The following RHNO1 variants were observed in gnomAD, a reference collection of about 807,000 sequenced individuals.
RHNO1 encodes RAD9-HUS1-RAD1 interacting nuclear orphan 1.
Under a neutral mutation model 7.2 loss-of-function variants are expected in RHNO1, and 9 were observed. That is an observed-to-expected ratio of 1.25 (90% CI 0.75 to 2.18). RHNO1 has a LOEUF of 2.18. Among genes scored for constraint, RHNO1 ranks in the 30% most tolerant of loss-of-function variants. The pLI is 0.00. For synonymous variants in RHNO1, 95 were observed against 107.5 expected, an observed-to-expected ratio of 0.88 and a Z score of 0.72; for missense variants, 292 against 284.5, an observed-to-expected ratio of 1.03 and a Z score of -0.19.
Position 2,888,053 on chromosome 12 carries a change from C to T in RHNO1, c.311C>T (p.Ser104Leu), listed in dbSNP as rs2098167727. ...LTFESPQSSS[S>L]ETLGIPLIRE... ...TTTGAGAGTCCGCAATCTTCCAGTT[C>T]AGAGACATTGGGGATCCCCTTAATC... The change falls in exon 3 of 3, where the codon TCA (serine) becomes TTA (leucine). Residue 104 changes from serine (S) to leucine (L), a missense_variant. By Grantham distance (145) the Ser-to-Leu change is moderately radical. Transcript: ENST00000489288. The T allele has an allele frequency of 6.2e-7, 1 of 1,614,028 alleles. No homozygotes were observed.
chr12:2,887,497 A>G (rs2098167001), intron 2 of RHNO1, among the ~76,000 whole-genome samples: 2 of 151,760 alleles, frequency 1.3e-5, no homozygotes, highest in South Asian at 2.1e-4. Context: ...AAAAAAAAAA[A>G]AAATACCTGG....
At chr12:2,877,855 C>T (rs2098149925) in intron 1 of RHNO1, 1 of 152,434 alleles carries the variant, frequency 6.6e-6, no homozygotes, top group Admixed American at 6.5e-5. Flanking sequence ...ACAGCCCAAT[C>T]CTGGAAGAGG....
intron 1 of RHNO1, chr12:2,877,813 G>A (rs1209252063): frequency 6.6e-6 from 1 of 152,302 alleles, no homozygotes; most frequent in Admixed American, 6.6e-5. Context: ...AAGATACAAT[G>A]GCAGACAAGG....
intron 1 of RHNO1, among the ~76,000 whole-genome samples, chr12:2,883,507 ATATATTTTTTTT>A (rs1229217144): frequency 2.5e-3 from 66 of 26,202 alleles, no homozygotes; most frequent in Middle Eastern, 0.024. Context: ...ATATATATAT[ATATATTTTTTTT>A]TTTTTTTTTT....
At position 2,888,039 on chromosome 12, in the gene RHNO1, G is replaced by T. The variant is rs376403114; in HGVS notation, c.297G>T (p.Pro99=). The T allele has an allele frequency of 6.2e-7, 1 of 1,614,074 alleles. No individual in the cohort carries two copies. Among genetic ancestry groups the T allele is most frequent in the Non-Finnish European group, 8.5e-7 (1 of 1,180,028 alleles). ...TTCCACATCTAACTTTTGAGAGTCC[G>T]CAATCTTCCAGTTCAGAGACATTGG... The part of the protein sequence containing the change: ...SKFPHLTFES[P]QSSSSETLGI... Residue 99 remains proline (P), a synonymous_variant, in exon 3 of 3, where the codon CCG becomes CCT. Transcript: ENST00000489288.
At position 2,879,947 on chromosome 12, in the gene RHNO1, C is replaced by T. The variant is rs1007465835; in HGVS notation, c.-85+2665C>T. 2.6e-5 allele frequency among the ~76,000 whole-genome samples: 4 copies of T among 152,054 alleles called. No individual in the cohort carries two copies. The East Asian group carries it at 7.7e-4, about 29-fold the overall frequency. Reference sequence around the variant, plus strand: ...TGCTTTCTGGAAAATGAGAGTATTTCCTTTGATGTCTTCTGTATTCTTTGT... The same window carrying T: ...TGCTTTCTGGAAAATGAGAGTATTTTCTTTGATGTCTTCTGTATTCTTTGT... On this transcript the variant is annotated intron_variant, in intron 1 of 2. Transcript: ENST00000489288.
Position 2,885,469 on chromosome 12 carries a change from C to G in RHNO1, c.103C>G (p.Leu35Val), listed in dbSNP as rs144376511. The change falls in exon 2 of 3, where the codon CTT (leucine) becomes GTT (valine). Residue 35 changes from leucine to valine, a missense_variant. Physicochemically the swap from Leu to Val is conservative, Grantham distance 32. Transcript: ENST00000489288. ...GPKHSCASTQ[L>V]PITHTRQVPS... ...CAAACACAGCTGTGCATCTACACAGCTTCCCATCACTCACACTCGACAGGT... is the reference window on the plus strand; with the variant it reads ...CAAACACAGCTGTGCATCTACACAGGTTCCCATCACTCACACTCGACAGGT... 6.8e-6 allele frequency: 11 copies of G among 1,613,708 alleles called. No individual in the cohort carries two copies. In the African/African-American group the frequency reaches 1.3e-4, roughly 20 times the overall value.
Position 2,877,253 on chromosome 12 carries a change from A to T in RHNO1, c.-114A>T, listed in dbSNP as rs1022431955. 2 of 152,258 alleles carry T rather than the reference A, an allele frequency of 1.3e-5. No individual in the cohort carries two copies. Among genetic ancestry groups the T allele is most frequent in the African/African-American group, 4.8e-5 (2 of 41,452 alleles). The allele number at this position is 152,258 out of a possible 1,614,324, so 9.4% of individuals were successfully genotyped here. A position where few individuals can be genotyped will look rare whatever the true frequency, so the allele number is the denominator to read the frequency against. On this transcript the variant is annotated 5_prime_UTR_variant, in exon 1 of 3. Transcript: ENST00000489288. ...GGGCTCGAAGGCTGTGCGGTCTGCCAGGAGCTGCGGCCCCGTCCGGCCCGG... is the reference window on the plus strand; with the variant it reads ...GGGCTCGAAGGCTGTGCGGTCTGCCTGGAGCTGCGGCCCCGTCCGGCCCGG...
intron 1 of RHNO1, among the ~76,000 whole-genome samples, chr12:2,883,505 A>ATTT (rs2098161364): frequency 3.1e-5 from 1 of 31,920 alleles, no homozygotes; most frequent in African/African-American, 1.7e-4. Context: ...ATATATATAT[A>ATTT]TATATATTTT....
chr12:2,880,296 C>T (rs2098155765), intron 1 of RHNO1, among the ~76,000 whole-genome samples: 1 of 151,874 alleles, frequency 6.6e-6, no homozygotes, highest in Admixed American at 6.6e-5. Flanking sequence ...AGGACCCCAT[C>T]TCTAAAAATA....
upstream of RHNO1, chr12:2,876,520 G>A (rs2153942648): frequency 6.6e-6 from 1 of 152,576 alleles, no homozygotes; most frequent in Non-Finnish European, 1.5e-5. Context: ...AAAAGGGTAA[G>A]TAAGATGGAG....
intron 1 of RHNO1, among the ~76,000 whole-genome samples, chr12:2,879,905 G>A (rs934041836): frequency 6.6e-6 from 1 of 151,940 alleles, no homozygotes; most frequent in African/African-American, 2.4e-5. Flanking sequence ...ATGTTGATAC[G>A]CATAGGTTTG....
chr12:2,876,895 G>T (rs71579232), upstream of RHNO1: 893 of 152,704 alleles, frequency 5.8e-3, 5 homozygotes, highest in Non-Finnish European at 8.7e-3. Flanking sequence ...CCAGGCCTGG[G>T]ACTCCATTGC....
chr12:2,877,556 C>T (rs976013456), intron 1 of RHNO1, among the ~76,000 whole-genome samples: 1 of 152,184 alleles, frequency 6.6e-6, no homozygotes, highest in Non-Finnish European at 1.5e-5. Flanking sequence ...ACCCCATTTT[C>T]CCACAGTGAA....
At position 2,888,192 on chromosome 12, in the gene RHNO1, T is replaced by C; in HGVS notation, c.450T>C (p.Tyr150=). Residue 150 remains tyrosine, a synonymous_variant, in exon 3 of 3, where the codon TAT becomes TAC. Coordinates refer to ENST00000489288, the MANE Select transcript of RHNO1 (RefSeq NM_001252499.3). ...TGCAGGCACTTCAGAGCTTACCTTA[T>C]GTGTTCATTCCACCTGATATCCAGA... ...MSVQALQSLP[Y]VFIPPDIQTP... is the part of the protein sequence containing the mutation. 1.2e-6 allele frequency: 2 copies of C among 1,614,154 alleles called. No homozygotes were observed. The highest frequency in any genetic ancestry group is 1.7e-6 in the Non-Finnish European group (2 of 1,180,018).
At position 2,880,570 on chromosome 12, in the gene RHNO1, C is replaced by T. The variant is rs551402448; in HGVS notation, c.-85+3288C>T. On this transcript the variant is annotated intron_variant, in intron 1 of 2. Coordinates refer to ENST00000489288, the MANE Select transcript of RHNO1 (RefSeq NM_001252499.3). ...AGGAGGTTGCAGTGAGCCGAGATCA[C>T]GCTACTGCACTCCAGCCTGGGCAAC... Among the ~76,000 whole-genome samples the T allele has an allele frequency of 8.0e-5, 12 of 150,502 alleles. No homozygotes were observed. The East Asian group carries it at 2.0e-3, about 25-fold the overall frequency.
At chr12:2,885,198 A>G (rs1442981570) in intron 1 of RHNO1, 85 bp from the exon 2 acceptor site, 1 of 625,592 alleles carries the variant, frequency 1.6e-6, no homozygotes, top group African/African-American at 1.9e-5. Flanking sequence ...CTTGAAGTTT[A>G]TGGTAGAATT....
chr12:2,885,560 C>CTTTTTTTT lies in RHNO1; in HGVS notation c.168+26_168+27insTTTTTTTT, dbSNP rs2098164432. 13 of 737,682 alleles carry CTTTTTTTT rather than the reference C, an allele frequency of 1.8e-5. 1 individual carries two copies. The African/African-American group carries it at 2.5e-4, about 14-fold the overall frequency. The allele number at this position is 737,682 out of a possible 1,614,324, so 45.7% of individuals were successfully genotyped here. On this transcript the variant is annotated intron_variant, in intron 2 of 2. Transcript: ENST00000489288. ...GTAGGCCCATGGGATTACTATTTGA[C>CTTTTTTTT]ATTTTTTTTTTTTTTTTTTTTTTTT... is the stretch of plus-strand genomic sequence containing the variant.
intron 1 of RHNO1, among the ~76,000 whole-genome samples, chr12:2,882,334 TC>T (rs1430948841): frequency 2.6e-5 from 4 of 151,216 alleles, no homozygotes; most frequent in Non-Finnish European, 5.9e-5. Flanking sequence ...AAAAAGATGC[TC>T]TAGGCACCTT....
Sources: gnomAD v4.1 joint callset for allele counts (sites outside exome capture counted in the v4.1 genomes callset) on GRCh38, gnomAD v4.1.1 for gene constraint, MANE v1.5 for transcripts, NCBI Gene and HGNC (gene_info 2026-07-23, HGNC 2026-07-21) for gene names.